Variants in KCNK10 observed in about 807,000 individuals in gnomAD.
KCNK10 encodes the protein potassium two pore domain channel subfamily K member 10, also known as potassium channel subfamily K member 10.
KCNK10 carries 25 observed loss-of-function variants against 47.7 expected under a neutral mutation model. That is an observed-to-expected ratio of 0.52 (90% CI 0.38 to 0.73). The LOEUF (loss-of-function observed/expected upper bound fraction) is 0.73, where lower values mean the gene tolerates loss of function less well. Among genes scored for constraint, KCNK10 ranks in the 30% least tolerant of loss-of-function variants. The probability of loss-of-function intolerance (pLI) is 0.00; values close to 1 mark genes in which losing one functional copy is unlikely to be tolerated. For missense variants in KCNK10, 563 were observed against 714.5 expected (o/e 0.79, Z 2.42); for synonymous variants, 303 against 285.6 (o/e 1.06, Z -0.61).
intron 1 of KCNK10, among the ~76,000 whole-genome samples, chr14:88,281,302 T>A (rs948549303): frequency 6.6e-6 from 1 of 152,164 alleles, no homozygotes; most frequent in Admixed American, 6.5e-5. Context: ...GATAGTTCAT[T>A]TTATGTGACA....
rs1188956523 is a variant in KCNK10, at chr14:88,180,879, A to C, written c.*4656T>G. The C allele has an allele frequency of 1.5e-5, 6 of 398,648 alleles. No homozygotes were observed. Among genetic ancestry groups the C allele is most frequent in the Non-Finnish European group, 1.8e-5 (4 of 226,056 alleles). The allele number at this position is 398,648 out of a possible 1,614,324, so 24.7% of individuals were successfully genotyped here. On this transcript the variant is annotated 3_prime_UTR_variant, in exon 7 of 7. Transcript: ENST00000319231. The stretch of plus-strand genomic sequence containing the variant: ...CAAAGTTTCCCTATGCAGAATTAAC[A>C]GCATCCACAATGCCACACTAAAGTG...
chr14:88,295,842 T>C (rs1039103117), intron 1 of KCNK10, among the ~76,000 whole-genome samples: 1 of 152,148 alleles, frequency 6.6e-6, no homozygotes, highest in African/African-American at 2.4e-5. Flanking sequence ...CAAGTTCCTC[T>C]TGAGATCATG....
rs772135819 is a variant in KCNK10, at chr14:88,263,301, G to T, written c.303C>A (p.Pro101=). The T allele has an allele frequency of 1.2e-6, 2 of 1,614,082 alleles. No homozygotes were observed. The highest frequency in any genetic ancestry group is 1.6e-4 in the Middle Eastern group (1 of 6,062). The change falls in exon 2 of 7, where the codon CCC becomes CCA. Residue 101 remains proline, a synonymous_variant. Transcript: ENST00000319231. ...TGGTATTCTTCTGGCTGCTCTCAAA[G>T]GGCTGCTCCAATGCCCGGAAGACAA... ...GGLVFRALEQ[P]FESSQKNTIA... is the part of the protein sequence containing the mutation.
rs139822090 is a variant in KCNK10, at chr14:88,193,497, A to G, written c.682-1087T>C. Among the ~76,000 whole-genome samples the G allele has an allele frequency of 3.6e-3, 547 of 152,314 alleles. 2 individuals are homozygous for G. Among genetic ancestry groups the G allele is most frequent in the Middle Eastern group, 6.8e-3 (2 of 294 alleles). ...GAGACTGTCATCAGGAGGCCCTGGT[A>G]TCATATACTAGCATAAATATATGAA... On this transcript the variant is annotated intron_variant, in intron 4 of 6. Transcript: ENST00000319231.
chr14:88,302,362 A>G (rs550875879), intron 1 of KCNK10, among the ~76,000 whole-genome samples: 1 of 152,368 alleles, frequency 6.6e-6, no homozygotes, highest in African/African-American at 2.4e-5. Context: ...AATTAGAGGT[A>G]GAGCAATGAG....
In KCNK10 at chr14:88,184,007, G is replaced by A. The variant is rs751939619; in HGVS notation, c.*1528C>T. 1 of 152,338 alleles carries A rather than the reference G, an allele frequency of 6.6e-6. No homozygotes were observed. The highest frequency in any genetic ancestry group is 1.5e-5 in the Non-Finnish European group (1 of 68,046). 9.4% of individuals were successfully genotyped at this position (152,338 alleles called of 1,614,324 possible). A position where few individuals can be genotyped will look rare whatever the true frequency, so the allele number is the denominator to read the frequency against. On this transcript the variant is annotated 3_prime_UTR_variant, in exon 7 of 7. Transcript: ENST00000319231. ...CTGCCTGGTGTTGCCAGGTCCAAATGCTTTCACGTGTGGCCCAAAGAGCTA... is the reference window on the plus strand; with the variant it reads ...CTGCCTGGTGTTGCCAGGTCCAAATACTTTCACGTGTGGCCCAAAGAGCTA...
intron 1 of KCNK10, among the ~76,000 whole-genome samples, chr14:88,312,752 A>G (rs1353839383): frequency 6.6e-6 from 1 of 152,220 alleles, no homozygotes; most frequent in Non-Finnish European, 1.5e-5. Context: ...AGATTTACAC[A>G]TAGATGGTGC....
chr14:88,184,776 CAT>C lies in KCNK10; in HGVS notation c.*757_*758del, dbSNP rs1884484970. 4 of 152,370 alleles carry C rather than the reference CAT, an allele frequency of 2.6e-5. No homozygotes were observed. Among genetic ancestry groups the C allele is most frequent in the Admixed American group, 2.6e-4 (4 of 15,286 alleles). 9.4% of individuals were successfully genotyped at this position (152,370 alleles called of 1,614,324 possible). Reference sequence around the variant, plus strand: ...CCTTTAACCACGCAGCAGTTGATGTCATGTTTTCACCACTGCTCGCCAGTTCA... The same window carrying C: ...CCTTTAACCACGCAGCAGTTGATGTCGTTTTCACCACTGCTCGCCAGTTCA... On this transcript the variant is annotated 3_prime_UTR_variant, in exon 7 of 7. Coordinates refer to ENST00000319231, the MANE Select transcript of KCNK10 (RefSeq NM_138317.3).
intron 2 of KCNK10, among the ~76,000 whole-genome samples, chr14:88,248,335 A>G (rs1053012374): frequency 6.6e-6 from 1 of 152,180 alleles, no homozygotes; most frequent in African/African-American, 2.4e-5. Context: ...GATTAATAAC[A>G]TCATGAAAAA....
chr14:88,254,096 C>A (rs574939917), intron 2 of KCNK10, among the ~76,000 whole-genome samples: 7 of 152,054 alleles, frequency 4.6e-5, no homozygotes, highest in Non-Finnish European at 8.8e-5. Context: ...CAGATGAAGG[C>A]CCCGGGACTT....
chr14:88,316,924 TA>T (rs1888440306), intron 1 of KCNK10, among the ~76,000 whole-genome samples: 1 of 152,232 alleles, frequency 6.6e-6, no homozygotes, highest in Admixed American at 6.5e-5. Context: ...TTATATTTTT[TA>T]AATGCATCAG....
chr14:88,291,690 C>T (rs536445025), intron 1 of KCNK10, among the ~76,000 whole-genome samples: 17 of 152,158 alleles, frequency 1.1e-4, no homozygotes, highest in Non-Finnish European at 2.2e-4. Context: ...TCTAGGAGAA[C>T]ACATGTGAAT....
chr14:88,208,544 A>G (rs1321515892), intron 4 of KCNK10, among the ~76,000 whole-genome samples: 6 of 152,268 alleles, frequency 3.9e-5, no homozygotes, highest in African/African-American at 1.4e-4. Flanking sequence ...GATGCCAGAA[A>G]GAAAGTGGTA....
intron 1 of KCNK10, among the ~76,000 whole-genome samples, chr14:88,266,157 T>C (rs1887247544): frequency 2.0e-5 from 3 of 152,232 alleles, no homozygotes; most frequent in East Asian, 1.9e-4. Context: ...ACATGGTGGG[T>C]AGACAATCAA....
intron 6 of KCNK10, among the ~76,000 whole-genome samples, chr14:88,187,091 G>A (rs189064888): frequency 1.7e-4 from 26 of 152,224 alleles, no homozygotes; most frequent in Non-Finnish European, 2.2e-4. Flanking sequence ...CTGGGGAACC[G>A]GTCTGGAAAT....
chr14:88,197,571 CTAAAAAAAAAAAAAAAAAAAAA>C (rs1884957004), intron 4 of KCNK10, among the ~76,000 whole-genome samples: 1 of 16,780 alleles, frequency 6.0e-5, no homozygotes, highest in Admixed American at 8.4e-4. Context: ...GAGACTCCGA[CTAAAAAAAAAAAAAAAAAAAAA>C]AAAAAAAAAA....
chr14:88,275,845 C>T lies in KCNK10; in HGVS notation c.53-12294G>A, dbSNP rs565815869. Among the ~76,000 whole-genome samples the T allele has an allele frequency of 3.6e-3, 533 of 147,404 alleles. 5 individuals carry two copies. The highest frequency in any genetic ancestry group is 5.0e-3 in the Admixed American group (71 of 14,296). ...TTGTGCCGCTGCACTCCAGCCTGGGCGACAGAGGGAGACTCCATCTCAAAA... is the reference window on the plus strand; with the variant it reads ...TTGTGCCGCTGCACTCCAGCCTGGGTGACAGAGGGAGACTCCATCTCAAAA... On this transcript the variant is annotated intron_variant, in intron 1 of 6. Transcript: ENST00000319231.
intron 1 of KCNK10, among the ~76,000 whole-genome samples, chr14:88,290,435 G>A (rs1566715912): frequency 6.6e-6 from 1 of 152,182 alleles, no homozygotes. Flanking sequence ...TTTAAGCTAT[G>A]CAGTTTGTGC....
chr14:88,195,026 TAAA>T (rs11430813), intron 4 of KCNK10, among the ~76,000 whole-genome samples: 2 of 148,314 alleles, frequency 1.3e-5, no homozygotes, highest in Non-Finnish European at 3.0e-5. Context: ...TCTAGGTATT[TAAA>T]AAAAAAAAAA....
Sources: gnomAD v4.1 joint callset for allele counts (sites outside exome capture counted in the v4.1 genomes callset) on GRCh38, gnomAD v4.1.1 for gene constraint, MANE v1.5 for transcripts, NCBI Gene and HGNC (gene_info 2026-07-23, HGNC 2026-07-21) for gene names.